The following EPB41L1 variants were observed in gnomAD, a reference collection of about 807,000 sequenced individuals.
EPB41L1 encodes the protein erythrocyte membrane protein band 4.1 like 1.
In EPB41L1, 29 loss-of-function variants were observed where a neutral mutation model predicts 97.8. The observed-to-expected ratio is 0.30, with a 90% CI of 0.22 to 0.40. EPB41L1 has a LOEUF of 0.40. EPB41L1 is among the 10% of genes least tolerant of loss of function. EPB41L1 has a pLI of 1.00. For synonymous variants in EPB41L1, 383 were observed against 459.2 expected, an observed-to-expected ratio of 0.83 and a Z score of 2.12; for missense variants, 812 against 1,162.3, an observed-to-expected ratio of 0.70 and a Z score of 4.38.
In EPB41L1 at chr20:36,206,505, C is replaced by T. The variant is rs2062816913; in HGVS notation, c.1669-2983C>T. 1 of 1,289,864 alleles carries T rather than the reference C, an allele frequency of 7.8e-7. No individual in the cohort carries two copies. The highest frequency in any genetic ancestry group is 1.0e-6 in the Non-Finnish European group (1 of 988,888). The allele number at this position is 1,289,864 out of a possible 1,614,324, so 79.9% of individuals were successfully genotyped here. ...ATTATGAAGAAAAAGACTCAGAAGA[C>T]CAAGTCCTCCCTCCACCCCTGGAGG... On this transcript the variant is annotated intron_variant, in intron 14 of 21. Coordinates refer to ENST00000338074, the MANE Select transcript of EPB41L1 (RefSeq NM_012156.2). This position sits in a 1 kb window ranked among gnomAD's most constrained non-coding sequence, Gnocchi z 5.5.
intron 14 of EPB41L1, among the ~76,000 whole-genome samples, chr20:36,204,988 C>A (rs1333786702): frequency 6.6e-6 from 1 of 152,180 alleles, no homozygotes; most frequent in Non-Finnish European, 1.5e-5. Context: ...ACCTCTCTCC[C>A]TTCCTTGATG....
intron 1 of EPB41L1, among the ~76,000 whole-genome samples, chr20:36,168,832 G>A (rs1025174280): frequency 3.3e-5 from 5 of 152,030 alleles, no homozygotes; most frequent in Admixed American, 6.5e-5. Context: ...TATTACAGGC[G>A]TGAGCCGCCA....
At position 36,222,921 on chromosome 20, in the gene EPB41L1, G is replaced by C. The variant is rs1162441548; in HGVS notation, c.2637+527G>C. Among the ~76,000 whole-genome samples the C allele has an allele frequency of 7.4e-4, 112 of 152,240 alleles. 1 individual carries two copies. The highest frequency in any genetic ancestry group is 2.5e-3 in the African/African-American group (105 of 41,526). On this transcript the variant is annotated intron_variant, in intron 21 of 21. Coordinates refer to ENST00000338074, the MANE Select transcript of EPB41L1 (RefSeq NM_012156.2). ...TGCAATTTTTATATTTTTTGAGATG[G>C]AGTCTTGCTCTGTCACCCAGGCTGG...
At chr20:36,179,866 C>CG (rs1273238949) in intron 5 of EPB41L1, among the ~76,000 whole-genome samples, 3 of 152,172 alleles carry the variant, frequency 2.0e-5, no homozygotes, top group African/African-American at 4.8e-5. Flanking sequence ...GTGCACTCCT[C>CG]GGGGGGCTGA....
At chr20:36,188,623 CACACACACACACACACACAG>C (rs1214460728) in intron 9 of EPB41L1, 124 bp downstream of exon 9, 37 of 683,122 alleles carry the variant, frequency 5.4e-5, no homozygotes, top group African/African-American at 3.8e-4. Flanking sequence ...CACACACACA[CACACACACACACACACACAG>C]AGAGAGAGAG....
intron 18 of EPB41L1, 47 bp from the exon 19 acceptor site, chr20:36,219,714 A>G (rs1472595954): frequency 1.3e-6 from 2 of 1,536,546 alleles, no homozygotes; most frequent in Admixed American, 1.7e-5. Context: ...TCCAGAGCCC[A>G]CTGTCCTTAC....
At chr20:36,137,179 A>C (rs6142517) in intron 2 of EPB41L1, among the ~76,000 whole-genome samples, 1 of 143,814 alleles carries the variant, frequency 7.0e-6, no homozygotes. Flanking sequence ...GGCTCAAGGG[A>C]TATTCGCCCC....
At chr20:36,186,210 C>A (rs2061677784) in intron 7 of EPB41L1, among the ~76,000 whole-genome samples, 1 of 152,044 alleles carries the variant, frequency 6.6e-6, no homozygotes, top group African/African-American at 2.4e-5. Flanking sequence ...GGAGAGGAGC[C>A]CTTGGAACTA....
At chr20:36,101,644 C>G (rs2058020668) in intron 1 of EPB41L1, among the ~76,000 whole-genome samples, 1 of 152,200 alleles carries the variant, frequency 6.6e-6, no homozygotes, top group African/African-American at 2.4e-5. Context: ...CTAGGGTTCC[C>G]TAAGGCTGGG....
chr20:36,170,687 G>C (rs2060950504), intron 1 of EPB41L1, among the ~76,000 whole-genome samples: 1 of 152,196 alleles, frequency 6.6e-6, no homozygotes, highest in Admixed American at 6.5e-5. Flanking sequence ...CTAGAGTTAG[G>C]ATCTGGGGAG....
chr20:36,175,402 A>G, intron 2 of EPB41L1, 149 bp from the exon 3 acceptor site: 1 of 870,640 alleles, frequency 1.1e-6, no homozygotes, highest in Non-Finnish European at 1.9e-6. Flanking sequence ...CCAGCCATGG[A>G]CCCTAGTTGC....
intron 2 of EPB41L1, among the ~76,000 whole-genome samples, chr20:36,123,410 G>A (rs1352698549): frequency 1.3e-5 from 2 of 152,116 alleles, no homozygotes; most frequent in African/African-American, 4.8e-5. Flanking sequence ...CAGATCACAT[G>A]TCCTCAGAAA....
chr20:36,176,829 A>G (rs1600754810), intron 3 of EPB41L1, among the ~76,000 whole-genome samples: 1 of 151,512 alleles, frequency 6.6e-6, no homozygotes, highest in South Asian at 2.1e-4. Context: ...ACAGGGTTTC[A>G]CCATGTTGCC....
rs111572179 is a variant in EPB41L1 at position 36,187,770 on chromosome 20, C to G, written c.873+7C>G. ...AGACCTGCACCATGCCAAGGTACCA[C>G]CAGCTTCCTGGGTTCCCCTAGTGTC... On this transcript the variant is annotated splice_region_variant and intron_variant, in intron 8 of 21. Coordinates refer to ENST00000338074, the MANE Select transcript of EPB41L1 (RefSeq NM_012156.2). 2.0e-3 allele frequency: 3,299 copies of G among 1,613,152 alleles called. 67 individuals carry two copies. In the African/African-American group the frequency reaches 0.038, roughly 19 times the overall value.
At position 36,158,536 on chromosome 20, in the gene EPB41L1, C is replaced by T. The variant is rs372279958; in HGVS notation, c.-15+3640C>T. Among the ~76,000 whole-genome samples the T allele has an allele frequency of 1.6e-4, 25 of 152,248 alleles. No homozygotes were observed. The South Asian group carries it at 2.3e-3, about 14-fold the overall frequency. On this transcript the variant is annotated intron_variant, in intron 1 of 21. Transcript: ENST00000338074. ...GAAGAAGAGTGGGCGGTCTGATGTG[C>T]GTGGAACAGATAGTGTGTGTGGCGG...
intron 1 of EPB41L1, among the ~76,000 whole-genome samples, chr20:36,156,605 A>G: frequency 6.6e-6 from 1 of 152,110 alleles, no homozygotes; most frequent in East Asian, 1.9e-4. Flanking sequence ...TGTGCTATAG[A>G]CAGGACTCTG....
At chr20:36,183,771 G>T (rs911058667) in intron 6 of EPB41L1, among the ~76,000 whole-genome samples, 3 of 152,158 alleles carry the variant, frequency 2.0e-5, no homozygotes, top group African/African-American at 7.2e-5. Flanking sequence ...TGAACAGAAT[G>T]CCCATAAGCC....
At chr20:36,162,986 C>A (rs1018902859) in intron 1 of EPB41L1, among the ~76,000 whole-genome samples, 1 of 152,188 alleles carries the variant, frequency 6.6e-6, no homozygotes, top group African/African-American at 2.4e-5. Flanking sequence ...TCAGCCTGTA[C>A]CCTCCATCCT....
rs375344652 is a variant in EPB41L1, at chr20:36,229,312, C to T, written c.2638-20C>T. 21 of 1,609,692 alleles carry T rather than the reference C, an allele frequency of 1.3e-5. No homozygotes were observed. In the East Asian group the frequency reaches 1.8e-4, roughly 14 times the overall value. ...CCCCACTCCCCACCCCCCATTCTACCCCATGCCTCTGGCTTCCAGGAATCC... is the reference window on the plus strand; with the variant it reads ...CCCCACTCCCCACCCCCCATTCTACTCCATGCCTCTGGCTTCCAGGAATCC... On this transcript the variant is annotated intron_variant, in intron 21 of 21. Coordinates refer to ENST00000338074, the MANE Select transcript of EPB41L1 (RefSeq NM_012156.2).
Sources: gnomAD v4.1 joint callset for allele counts (sites outside exome capture counted in the v4.1 genomes callset) on GRCh38, gnomAD v4.1.1 for gene constraint, Gnocchi (gnomAD v3.1) non-coding constraint, MANE v1.5 for transcripts, NCBI Gene and HGNC (gene_info 2026-07-23, HGNC 2026-07-21) for gene names.